ELL: variants seen among roughly 807,000 people sequenced by gnomAD.
The protein encoded by ELL is elongation factor for RNA polymerase II.
In ELL, 18 loss-of-function variants were observed where a neutral mutation model predicts 64.0. The ratio of observed to expected loss-of-function variants is 0.28; its 90% CI spans 0.19 to 0.42. The LOEUF is 0.42. Among genes scored for constraint, ELL ranks in the 10% least tolerant of loss-of-function variants. The pLI, the probability that ELL is intolerant of heterozygous loss-of-function variation, is 1.00. For synonymous variants in ELL, 399 were observed against 376.2 expected (o/e 1.06, Z -0.70); for missense variants, 797 against 870.4 (o/e 0.92, Z 1.06).
At chr19:18,499,729 G>A (rs752619794) in intron 1 of ELL, among the ~76,000 whole-genome samples, 9 of 152,302 alleles carry the variant, frequency 5.9e-5, no homozygotes, top group Admixed American at 1.3e-4. Flanking sequence ...ATCTGCTCCC[G>A]AGACAGAGGA....
In ELL at chr19:18,461,815, T is replaced by C. The variant is rs1458626101; in HGVS notation, c.507A>G (p.Ala169=). The C allele has an allele frequency of 1.2e-6, 2 of 1,613,966 alleles. No homozygotes were observed. Among genetic ancestry groups the C allele is most frequent in the African/African-American group, 1.3e-5 (1 of 75,060 alleles). ...GCTTCCGGGAGGGCACCGCGTCTGT[T>C]GCACCTGGGGCTGGTTTCCGAAACT... The part of the protein sequence containing the change: ...KVQFRKPAPG[A]TDAVPSRKRA... The change falls in exon 5 of 12, where the codon GCA becomes GCG. Residue 169 remains alanine, a synonymous_variant. Coordinates refer to ENST00000262809, the MANE Select transcript of ELL (RefSeq NM_006532.4).
At chr19:18,503,476 G>A (rs1975823206) in intron 1 of ELL, among the ~76,000 whole-genome samples, 1 of 152,186 alleles carries the variant, frequency 6.6e-6, no homozygotes, top group Non-Finnish European at 1.5e-5. Flanking sequence ...GTGGGCTCTT[G>A]GAGGTGATGG....
chr19:18,485,120 G>T (rs918781176), intron 1 of ELL, among the ~76,000 whole-genome samples: 6 of 152,170 alleles, frequency 3.9e-5, no homozygotes, highest in Admixed American at 6.5e-5. Context: ...GGGTCCCTGA[G>T]AATGCAGCTC....
At chr19:18,473,228 A>G in intron 1 of ELL, 1 of 575,220 alleles carries the variant, frequency 1.7e-6, no homozygotes, top group Non-Finnish European at 3.3e-6. Flanking sequence ...CCACCGGGAG[A>G]GAAGGGCAAG....
intron 1 of ELL, among the ~76,000 whole-genome samples, chr19:18,495,220 G>A (rs1474081055): frequency 1.3e-5 from 2 of 152,136 alleles, no homozygotes; most frequent in African/African-American, 4.8e-5. Context: ...GAGGCGAGCT[G>A]ACCCCAGGAG....
intron 6 of ELL, among the ~76,000 whole-genome samples, chr19:18,455,471 CAG>C (rs1974647422): frequency 6.8e-6 from 1 of 146,694 alleles, no homozygotes; most frequent in Non-Finnish European, 1.5e-5. Context: ...GCCTGCGTGA[CAG>C]AGCAAGACTC....
At chr19:18,468,698 C>A (rs115700542) in intron 2 of ELL, among the ~76,000 whole-genome samples, 1,669 of 152,350 alleles carry the variant, frequency 0.011, 24 homozygotes, top group African/African-American at 0.039. Flanking sequence ...GCCTGAGGCC[C>A]AAGTTGCCAG....
intron 1 of ELL, among the ~76,000 whole-genome samples, chr19:18,493,877 G>A (rs947891742): frequency 9.2e-5 from 14 of 152,186 alleles, no homozygotes; most frequent in Non-Finnish European, 1.5e-4. Flanking sequence ...CCACCAGTGG[G>A]GACAATCCTG....
intron 5 of ELL, among the ~76,000 whole-genome samples, chr19:18,460,816 T>C (rs1286918434): frequency 6.6e-6 from 1 of 152,214 alleles, no homozygotes; most frequent in African/African-American, 2.4e-5. Context: ...GCCATGTCTC[T>C]TCCTCCACCA....
intron 2 of ELL, among the ~76,000 whole-genome samples, chr19:18,470,682 A>G (rs1975046027): frequency 1.3e-5 from 2 of 152,166 alleles, no homozygotes; most frequent in African/African-American, 4.8e-5. Flanking sequence ...ACCATCCACA[A>G]ACCAGATACT....
chr19:18,467,115 C>T (rs1344720802), intron 2 of ELL, among the ~76,000 whole-genome samples: 1 of 152,186 alleles, frequency 6.6e-6, no homozygotes, highest in Non-Finnish European at 1.5e-5. Flanking sequence ...GAAGCCATGG[C>T]TGCACCCAGC....
intron 1 of ELL, 120 bp from the exon 2 acceptor site, chr19:18,473,002 G>A (rs1975097683): frequency 8.1e-7 from 1 of 1,234,200 alleles, no homozygotes. Context: ...TCTCAGGAGA[G>A]GGGAAAGGAA....
intron 1 of ELL, among the ~76,000 whole-genome samples, chr19:18,516,561 G>GC (rs34997877): frequency 0.32 from 48,538 of 151,958 alleles, 9,702 homozygotes; most frequent in African/African-American, 0.57. Context: ...TGGGTATCCC[G>GC]CCCTGAGCCA....
chr19:18,457,206 C>A (rs765418466), intron 6 of ELL, among the ~76,000 whole-genome samples: 4 of 152,196 alleles, frequency 2.6e-5, no homozygotes, highest in Non-Finnish European at 4.4e-5. Context: ...GAGCCTGCAT[C>A]CCGGGGAAGC....
At chr19:18,462,476 T>C (rs956748086) in intron 4 of ELL, among the ~76,000 whole-genome samples, 2 of 151,530 alleles carry the variant, frequency 1.3e-5, no homozygotes, top group African/African-American at 4.9e-5. Flanking sequence ...CCCAAACTTC[T>C]GGGCTCAAGC....
At chr19:18,453,872 A>G (rs1221830155) in intron 6 of ELL, among the ~76,000 whole-genome samples, 1 of 152,172 alleles carries the variant, frequency 6.6e-6, no homozygotes, top group Non-Finnish European at 1.5e-5. Flanking sequence ...CCCGGTCCTG[A>G]TTCAACATTC....
At position 18,449,168 on chromosome 19, in the gene ELL, C is replaced by G. The variant is rs1315044013; in HGVS notation, c.1465+1309G>C. 6.6e-6 allele frequency among the ~76,000 whole-genome samples: 1 copy of G among 152,142 alleles called. No homozygotes were observed. The highest frequency in any genetic ancestry group is 1.5e-5 in the Non-Finnish European group (1 of 68,006). On this transcript the variant is annotated intron_variant, in intron 8 of 11. Transcript: ENST00000262809. This position sits in a 1 kb window ranked among gnomAD's most constrained non-coding sequence, Gnocchi z 4.4. The stretch of plus-strand genomic sequence containing the variant: ...GGCCAGACAGGAAACCACCTTGAGT[C>G]CCCAGGCCTGTCTTGGCACCTAGGC...
chr19:18,514,646 TG>T lies in ELL; in HGVS notation c.135+7274del, dbSNP rs537674665. On this transcript the variant is annotated intron_variant, in intron 1 of 11. Coordinates refer to ENST00000262809, the MANE Select transcript of ELL (RefSeq NM_006532.4). ...TACATTTCCCTTTGGACTCTGTGGC[TG>T]ACTACACAGGTGAGATTGAAGACAA... Among the ~76,000 whole-genome samples the T allele has an allele frequency of 5.7e-4, 87 of 152,278 alleles. 1 individual carries two copies. Among genetic ancestry groups the T allele is most frequent in the Middle Eastern group, 6.8e-3 (2 of 292 alleles).
At chr19:18,502,038 G>A (rs531349602) in intron 1 of ELL, among the ~76,000 whole-genome samples, 3 of 152,232 alleles carry the variant, frequency 2.0e-5, no homozygotes, top group African/African-American at 4.8e-5. Flanking sequence ...GCTGGAGTGC[G>A]TCCCACAGAG....
Sources: allele counts gnomAD v4.1 joint callset (sites outside exome capture counted in the v4.1 genomes callset), GRCh38; gene constraint gnomAD v4.1.1; non-coding constraint Gnocchi (gnomAD v3.1); transcripts MANE v1.5; gene names NCBI Gene and HGNC (gene_info 2026-07-23, HGNC 2026-07-21).